Variants in CAPS2 observed in about 807,000 individuals in gnomAD.
CAPS2 encodes calcyphosin-2.
In CAPS2, 98 loss-of-function variants were observed where a neutral mutation model predicts 86.5. The ratio of observed to expected loss-of-function variants is 1.13; its 90% CI spans 0.96 to 1.34. The LOEUF (loss-of-function observed/expected upper bound fraction) is 1.34, where lower values mean the gene tolerates loss of function less well. Ranked by LOEUF, CAPS2 falls within the 40% of genes most tolerant of loss-of-function variation. CAPS2 has a pLI of 0.00. For missense variants in CAPS2, 729 were observed against 686.8 expected (o/e 1.06, Z -0.69); for synonymous variants, 210 against 225.1 (o/e 0.93, Z 0.60).
intron 12 of CAPS2, 135 bp downstream of exon 12, chr12:75,293,114 C>G (rs905171833): frequency 1.7e-6 from 1 of 605,446 alleles, no homozygotes; most frequent in East Asian, 2.9e-5. Flanking sequence ...AAAAGACATA[C>G]GTAGCTATGC....
chr12:75,311,709 AAACAAAAAAAAAAAC>A (rs1368884672), intron 7 of CAPS2, among the ~76,000 whole-genome samples: 558 of 13,732 alleles, frequency 0.041, 82 homozygotes, highest in East Asian at 0.075. Flanking sequence ...GGAAAAAAAA[AAACAAAAAAAAAAAC>A]AAAAAAAAAA....
intron 16 of CAPS2, among the ~76,000 whole-genome samples, chr12:75,280,962 A>T (rs2033836867): frequency 6.6e-6 from 1 of 151,988 alleles, no homozygotes; most frequent in African/African-American, 2.4e-5. Context: ...TTAGCAGTAC[A>T]GAATTAAACT....
chr12:75,330,571 ATTTT>A, upstream of CAPS2, among the ~76,000 whole-genome samples: 1 of 152,158 alleles, frequency 6.6e-6, no homozygotes, highest in African/African-American at 2.4e-5. Context: ...GCTTGCACTT[ATTTT>A]TTTTAAAGAC....
At chr12:75,371,783 T>C (rs2044375296) in intron 1 of CAPS2, among the ~76,000 whole-genome samples, 1 of 152,194 alleles carries the variant, frequency 6.6e-6, no homozygotes. Context: ...AGTGTATACA[T>C]GCACAAACAT....
chr12:75,324,845 T>C (rs1452161340), intron 2 of CAPS2, among the ~76,000 whole-genome samples: 2 of 152,068 alleles, frequency 1.3e-5, no homozygotes, highest in African/African-American at 4.8e-5. Context: ...ATTCATAAAA[T>C]TGTCATACTC....
At chr12:75,339,199 A>G (rs376851973) in intron 1 of CAPS2, among the ~76,000 whole-genome samples, 39 of 152,122 alleles carry the variant, frequency 2.6e-4, no homozygotes, top group African/African-American at 8.9e-4. Context: ...CAATGGGTAA[A>G]CTAATTTACA....
intron 1 of CAPS2, among the ~76,000 whole-genome samples, chr12:75,382,718 A>G (rs1231708716): frequency 2.0e-5 from 3 of 152,182 alleles, no homozygotes; most frequent in Non-Finnish European, 2.9e-5. Flanking sequence ...AACTTAAGGA[A>G]ACTCACAAAT....
chr12:75,284,906 T>C (rs900123722), intron 15 of CAPS2, 55 bp downstream of exon 15: 49 of 1,454,936 alleles, frequency 3.4e-5, no homozygotes, highest in African/African-American at 4.3e-5. Flanking sequence ...TTTAAAATAC[T>C]GAACCTAACA....
At chr12:75,378,866 TAG>T (rs1283755340) in intron 1 of CAPS2, among the ~76,000 whole-genome samples, 8 of 152,210 alleles carry the variant, frequency 5.3e-5, no homozygotes, top group Admixed American at 1.3e-4. Flanking sequence ...ATCATGTATA[TAG>T]AGTCTTATAT....
chr12:75,299,074 T>A, intron 9 of CAPS2, 108 bp from the exon 10 acceptor site: 1 of 661,408 alleles, frequency 1.5e-6, no homozygotes, highest in Non-Finnish European at 2.5e-6. Context: ...CTTATGTATG[T>A]GGCAATGAGT....
rs756730602 is a variant in CAPS2 at position 75,390,897 on chromosome 12, G to A, written c.-454C>T. Reference sequence around the variant, plus strand: ...TATTACCAGCTTTCTTCACTCTGCAGGTCTAGCTTTCCCCTCCTCTCCCCC... The same window carrying A: ...TATTACCAGCTTTCTTCACTCTGCAAGTCTAGCTTTCCCCTCCTCTCCCCC... On this transcript the variant is annotated 5_prime_UTR_variant, in exon 1 of 6. Transcript: ENST00000551829. 3 of 703,898 alleles carry A rather than the reference G, an allele frequency of 4.3e-6. No homozygotes were observed. In the South Asian group the frequency reaches 4.5e-5, roughly 11 times the overall value. 43.6% of individuals were successfully genotyped at this position (703,898 alleles called of 1,614,324 possible).
At chr12:75,385,362 T>C (rs929824867) in intron 1 of CAPS2, among the ~76,000 whole-genome samples, 1 of 152,008 alleles carries the variant, frequency 6.6e-6, no homozygotes, top group Non-Finnish European at 1.5e-5. Flanking sequence ...TATGATTATA[T>C]CCATAGATGC....
chr12:75,359,882 G>C (rs2043451867), intron 1 of CAPS2: 1 of 152,088 alleles, frequency 6.6e-6, no homozygotes, highest in Non-Finnish European at 1.5e-5. Flanking sequence ...CCAAGACTGG[G>C]TCATTTATAA....
upstream of CAPS2, among the ~76,000 whole-genome samples, chr12:75,332,789 G>C (rs2041423772): frequency 6.6e-6 from 1 of 152,176 alleles, no homozygotes; most frequent in African/African-American, 2.4e-5. Flanking sequence ...GCTACAATCT[G>C]ATAGAGAAGG....
chr12:75,293,495 T>C, intron 11 of CAPS2, 128 bp from the exon 12 acceptor site: 1 of 668,948 alleles, frequency 1.5e-6, no homozygotes, highest in Admixed American at 2.9e-5. Context: ...AGAAGTATAT[T>C]TGGAGAATGC....
At chr12:75,325,320 T>C in intron 1 of CAPS2, 32 bp from the exon 3 acceptor site, 1 of 1,423,530 alleles carries the variant, frequency 7.0e-7, no homozygotes, top group Non-Finnish European at 9.6e-7. Flanking sequence ...TTTGAATCAG[T>C]ATAAATATGA....
intron 2 of CAPS2, among the ~76,000 whole-genome samples, chr12:75,323,651 G>A (rs2040510228): frequency 1.3e-5 from 2 of 152,212 alleles, no homozygotes; most frequent in African/African-American, 2.4e-5. Context: ...GCTAAGGCAG[G>A]AGAATCACTT....
At chr12:75,323,729 G>A (rs1292497478) in intron 2 of CAPS2, among the ~76,000 whole-genome samples, 1 of 152,196 alleles carries the variant, frequency 6.6e-6, no homozygotes, top group Non-Finnish European at 1.5e-5. Context: ...GGCAACAAGA[G>A]TGAAACTCTG....
chr12:75,337,693 T>A (rs189559043), intron 1 of CAPS2, among the ~76,000 whole-genome samples: 179 of 152,176 alleles, frequency 1.2e-3, no homozygotes, highest in Non-Finnish European at 2.2e-3. Context: ...ATGCGTGCCA[T>A]GTTATTTATC....
Sources: gnomAD v4.1 joint callset for allele counts (sites outside exome capture counted in the v4.1 genomes callset) on GRCh38, gnomAD v4.1.1 for gene constraint, MANE v1.5 for transcripts, NCBI Gene and HGNC (gene_info 2026-07-23, HGNC 2026-07-21) for gene names.